The following ZBTB20 variants were observed in gnomAD, a reference collection of about 807,000 sequenced individuals.
The protein encoded by ZBTB20 is zinc finger and BTB domain-containing protein 20.
Under a neutral mutation model 56.9 loss-of-function variants are expected in ZBTB20, and 9 were observed. The ratio of observed to expected loss-of-function variants is 0.16; its 90% CI spans 0.10 to 0.28. The LOEUF (loss-of-function observed/expected upper bound fraction) is 0.28. ZBTB20 is among the 10% of genes least tolerant of loss of function. ZBTB20 has a pLI of 1.00. For missense variants in ZBTB20, 655 were observed against 1,003.0 expected (o/e 0.65, Z 4.69); for synonymous variants, 417 against 420.7 (o/e 0.99, Z 0.11).
At chr3:114,543,373 G>A (rs1208082635) in intron 6 of ZBTB20, among the ~76,000 whole-genome samples, 1 of 151,964 alleles carries the variant, frequency 6.6e-6, no homozygotes, top group African/African-American at 2.4e-5. Flanking sequence ...GAGTCCTTTT[G>A]TCTCTCCCTA....
chr3:114,620,417 C>T (rs534447405), intron 6 of ZBTB20, among the ~76,000 whole-genome samples: 3 of 152,164 alleles, frequency 2.0e-5, no homozygotes, highest in South Asian at 2.1e-4. Flanking sequence ...CTCAGCCTCC[C>T]GAGCAGCTAG....
At chr3:114,349,514 T>G (rs1367010577) in intron 11 of ZBTB20, among the ~76,000 whole-genome samples, 1 of 152,244 alleles carries the variant, frequency 6.6e-6, no homozygotes, top group Non-Finnish European at 1.5e-5. Flanking sequence ...ATTCTCTCCT[T>G]GAATGCGTCT....
chr3:114,868,650 T>C (rs2075867831), intron 4 of ZBTB20, among the ~76,000 whole-genome samples: 3 of 152,142 alleles, frequency 2.0e-5, no homozygotes, highest in Admixed American at 6.5e-5. Context: ...CTCTCTACCA[T>C]ACATAGGATC....
intron 5 of ZBTB20, among the ~76,000 whole-genome samples, chr3:114,778,909 T>C (rs2108767081): frequency 6.6e-6 from 1 of 152,320 alleles, no homozygotes; most frequent in Non-Finnish European, 1.5e-5. Context: ...ATGATTAACA[T>C]AACTACTGTA....
intron 2 of ZBTB20, among the ~76,000 whole-genome samples, chr3:115,049,163 G>A (rs913348687): frequency 2.0e-5 from 3 of 152,012 alleles, no homozygotes; most frequent in African/African-American, 7.3e-5. Context: ...CTTGGGTTAA[G>A]TGCCCCTTCT....
chr3:114,994,882 G>T (rs2078962686), intron 2 of ZBTB20, among the ~76,000 whole-genome samples: 1 of 151,892 alleles, frequency 6.6e-6, no homozygotes, highest in African/African-American at 2.4e-5. Flanking sequence ...GTGTCTGACA[G>T]ATGTTGAATA....
intron 6 of ZBTB20, among the ~76,000 whole-genome samples, chr3:114,652,272 T>C (rs1024457448): frequency 6.6e-6 from 1 of 152,098 alleles, no homozygotes; most frequent in Non-Finnish European, 1.5e-5. Context: ...ATAACTTATG[T>C]ATACTCTTGT....
chr3:114,630,367 C>CAGT (rs2058877635), intron 6 of ZBTB20, among the ~76,000 whole-genome samples: 1 of 152,160 alleles, frequency 6.6e-6, no homozygotes, highest in Non-Finnish European at 1.5e-5. Flanking sequence ...GGAGCTGCAT[C>CAGT]AGTAGCACCT....
intron 2 of ZBTB20, among the ~76,000 whole-genome samples, chr3:115,001,571 G>A (rs1268220377): frequency 6.6e-6 from 1 of 150,800 alleles, no homozygotes; most frequent in Non-Finnish European, 1.5e-5. Flanking sequence ...GGCATTAAAG[G>A]TATACAAAAT....
chr3:114,413,663 G>A (rs1332260304), intron 7 of ZBTB20, among the ~76,000 whole-genome samples: 1 of 152,100 alleles, frequency 6.6e-6, no homozygotes, highest in Non-Finnish European at 1.5e-5. Context: ...TAAGCCTGCT[G>A]GGGCCAGAAG....
intron 2 of ZBTB20, among the ~76,000 whole-genome samples, chr3:115,007,117 C>G (rs1220742594): frequency 6.6e-6 from 1 of 151,770 alleles, no homozygotes; most frequent in African/African-American, 2.4e-5. Context: ...TCTGTTCTTT[C>G]ATTAAGACAC....
chr3:114,455,534 C>T (rs139878989), intron 7 of ZBTB20, among the ~76,000 whole-genome samples: 4 of 152,100 alleles, frequency 2.6e-5, no homozygotes, highest in Non-Finnish European at 5.9e-5. Flanking sequence ...AGTTTATTAA[C>T]GATGGTCTAG....
chr3:114,600,651 T>C (rs756344676), intron 6 of ZBTB20, among the ~76,000 whole-genome samples: 1 of 151,986 alleles, frequency 6.6e-6, no homozygotes, highest in Non-Finnish European at 1.5e-5. Flanking sequence ...CTCATATTCA[T>C]TACATTGAAA....
At chr3:114,702,035 A>AT (rs2063415773) in intron 5 of ZBTB20, among the ~76,000 whole-genome samples, 4 of 152,222 alleles carry the variant, frequency 2.6e-5, no homozygotes, top group Admixed American at 6.5e-5. Context: ...AACATAATGC[A>AT]TAAAAAAAAA....
In ZBTB20 at chr3:115,023,551, A is replaced by G. The variant is rs188787888; in HGVS notation, c.-507+47668T>C. Among the ~76,000 whole-genome samples the G allele has an allele frequency of 2.4e-3, 358 of 150,928 alleles. 2 individuals carry two copies. Among genetic ancestry groups the G allele is most frequent in the African/African-American group, 8.5e-3 (352 of 41,346 alleles). ...GTCATCTTTCCGTCTTGATTGCCAT[A>G]AGGAATTGAAATATGCTATACTTCT... On this transcript the variant is annotated intron_variant, in intron 2 of 11. Transcript: ENST00000675478.
intron 7 of ZBTB20, among the ~76,000 whole-genome samples, chr3:114,445,073 C>T (rs1303969175): frequency 3.9e-5 from 6 of 152,156 alleles, no homozygotes; most frequent in African/African-American, 7.2e-5. Flanking sequence ...GCTTTGTCAA[C>T]GCTTAAAGCA....
chr3:114,875,122 C>T (rs988979182), intron 4 of ZBTB20, among the ~76,000 whole-genome samples: 6 of 152,070 alleles, frequency 3.9e-5, no homozygotes, highest in Non-Finnish European at 5.9e-5. Flanking sequence ...TGCCATTCAC[C>T]GCCAGCACCT....
chr3:114,924,333 A>G (rs1262072733), intron 3 of ZBTB20, among the ~76,000 whole-genome samples: 1 of 152,348 alleles, frequency 6.6e-6, no homozygotes, highest in East Asian at 1.9e-4. Flanking sequence ...AAGCGGATAA[A>G]TGAATAAAGA....
chr3:115,018,658 G>A (rs2080078613), intron 2 of ZBTB20, among the ~76,000 whole-genome samples: 1 of 151,282 alleles, frequency 6.6e-6, no homozygotes, highest in Admixed American at 6.6e-5. Context: ...AAGAAACAAA[G>A]AAACAGAGCT....
Sources: allele counts gnomAD v4.1 joint callset (sites outside exome capture counted in the v4.1 genomes callset), GRCh38; gene constraint gnomAD v4.1.1; transcripts MANE v1.5; gene names NCBI Gene and HGNC (gene_info 2026-07-23, HGNC 2026-07-21).